The following FAT2 variants were observed in gnomAD, a reference collection of about 807,000 sequenced individuals.
The protein encoded by FAT2 is FAT atypical cadherin 2.
In FAT2, 150 loss-of-function variants were observed where a neutral mutation model predicts 295.3. That is an observed-to-expected ratio of 0.51 (90% confidence interval 0.44 to 0.58). The LOEUF is 0.58. Ranked by LOEUF, FAT2 falls within the 20% of genes least tolerant of loss-of-function variation. FAT2 has a pLI of 0.00. For synonymous variants in FAT2, 2,026 were observed against 2,150.3 expected, an observed-to-expected ratio of 0.94 and a Z score of 1.60; for missense variants, 4,868 against 5,442.7, an observed-to-expected ratio of 0.89 and a Z score of 3.32.
In FAT2 at chr5:151,565,827, G is replaced by A. The variant is rs1291543268; in HGVS notation, c.3105C>T (p.Phe1035=). The part of the protein sequence containing the change: ...ENLHPPHFAS[F]VHQGQVQENS... Reference sequence around the variant, plus strand: ...TCTCCTGCACCTGGCCCTGGTGCACGAAGGAGGCAAAGTGGGGAGGGTGGA... The same window carrying A: ...TCTCCTGCACCTGGCCCTGGTGCACAAAGGAGGCAAAGTGGGGAGGGTGGA... The change falls in exon 2 of 24, where the codon TTC becomes TTT. Residue 1035 remains phenylalanine, a synonymous_variant. Coordinates refer to ENST00000261800, the MANE Select transcript of FAT2 (RefSeq NM_001447.3). The A allele has an allele frequency of 4.3e-6, 7 of 1,614,048 alleles. No homozygotes were observed. Among genetic ancestry groups the A allele is most frequent in the Non-Finnish European group, 5.9e-6 (7 of 1,180,026 alleles).
chr5:151,569,404 G>A (rs982020352), intron 1 of FAT2, among the ~76,000 whole-genome samples: 20 of 152,068 alleles, frequency 1.3e-4, no homozygotes, highest in African/African-American at 4.3e-4. Flanking sequence ...TCACTATCAC[G>A]AGAACAGCAT....
At position 151,549,419 on chromosome 5, in the gene FAT2, G is replaced by A. The variant is rs2127619385; in HGVS notation, c.4665C>T (p.Phe1555=). The A allele has an allele frequency of 1.2e-6, 2 of 1,614,158 alleles. No individual in the cohort carries two copies. Among genetic ancestry groups the A allele is most frequent in the Non-Finnish European group, 1.7e-6 (2 of 1,180,018 alleles). Residue 1555 remains phenylalanine, a synonymous_variant, in exon 9 of 24, where the codon TTC becomes TTT. Coordinates refer to ENST00000261800, the MANE Select transcript of FAT2 (RefSeq NM_001447.3). ...CACTTGCCTCATAATGGAGCTGAGT[G>A]AAGCGGGGTGGGTGGAGGTTTCCAT... ...VEDGNLHPPR[F]TQLHYEASVP... is the part of the protein sequence containing the mutation.
At position 151,565,867 on chromosome 5, in the gene FAT2, T is replaced by C. The variant is rs1219885442; in HGVS notation, c.3065A>G (p.Asp1022Gly). 6.2e-7 allele frequency: 1 copy of C among 1,613,944 alleles called. No homozygotes were observed. Among genetic ancestry groups the C allele is most frequent in the Admixed American group, 1.7e-5 (1 of 60,014 alleles). Residue 1022 changes from aspartate (D) to glycine (G), a missense_variant, in exon 2 of 24, where the codon GAT becomes GGT. Transcript: ENST00000261800. ...GGGAGGGTGGAGATTCTCATTCACA[T>C]CCAGGACGATCACCTCCACATGGCA... ...TLCHVEVIVL[D>G]VNENLHPPHF...
Position 151,505,697 on chromosome 5 carries a change from C to A in FAT2, c.12918G>T (p.Gly4306=). 6.2e-7 allele frequency: 1 copy of A among 1,614,024 alleles called. No individual in the cohort carries two copies. Among genetic ancestry groups the A allele is most frequent in the South Asian group, 1.1e-5 (1 of 91,086 alleles). Residue 4306 remains glycine (G), a synonymous_variant, in exon 24 of 24, where the codon GGG becomes GGT. Coordinates refer to ENST00000261800, the MANE Select transcript of FAT2 (RefSeq NM_001447.3). ...CCACCTCACAGACAGCATAAGAGGG[C>A]CCAGCTCGGCTGAGGCGCATACCCA... ...KGVGMRLSRA[G]PSYAVCEVEG...
At chr5:151,514,955 T>C (rs1752698255) in intron 20 of FAT2, among the ~76,000 whole-genome samples, 2 of 152,256 alleles carry the variant, frequency 1.3e-5, no homozygotes, top group African/African-American at 4.8e-5. Flanking sequence ...TTCAAAAATA[T>C]ACCTTCTTTA....
At chr5:151,549,035 G>A (rs1253323321) in intron 9 of FAT2, among the ~76,000 whole-genome samples, 5 of 152,058 alleles carry the variant, frequency 3.3e-5, no homozygotes, top group Admixed American at 3.3e-4. Context: ...CTACATGTTT[G>A]GTCACTGGTG....
chr5:151,550,162 TA>T (rs1411603743), intron 8 of FAT2, among the ~76,000 whole-genome samples: 1 of 152,140 alleles, frequency 6.6e-6, no homozygotes, highest in African/African-American at 2.4e-5. Context: ...CTTGGGGTCA[TA>T]AAAATGCAGG....
chr5:151,507,224 CG>C lies in FAT2; in HGVS notation c.12446del (p.Pro4149ArgfsTer50). On this transcript the variant is annotated frameshift_variant, in exon 23 of 24. Transcript: ENST00000261800. LOFTEE classifies it high-confidence loss of function. ...CAGAGTGGGAAGGGACCGCAGCTGGCGGGAGTCTGGGGGGCACACTGCAGAC... is the reference window on the plus strand; with the variant it reads ...CAGAGTGGGAAGGGACCGCAGCTGGCGGAGTCTGGGGGGCACACTGCAGAC... ...PVVCSVPPRL[P>X]PAAVPSHSDN... The C allele has an allele frequency of 6.2e-7, 1 of 1,613,050 alleles. No homozygotes were observed. The highest frequency in any genetic ancestry group is 8.5e-7 in the Non-Finnish European group (1 of 1,179,304).
intron 14 of FAT2, among the ~76,000 whole-genome samples, chr5:151,530,409 G>A (rs1349439046): frequency 6.6e-6 from 1 of 152,102 alleles, no homozygotes; most frequent in Non-Finnish European, 1.5e-5. Context: ...AAGGACCTGA[G>A]GGATATGCTA....
chr5:151,584,930 A>G (rs374376300), intron 1 of FAT2, among the ~76,000 whole-genome samples: 13 of 152,284 alleles, frequency 8.5e-5, no homozygotes, highest in African/African-American at 2.9e-4. Context: ...ACACTCCTCC[A>G]TCTAATTTTG....
chr5:151,536,325 C>T (rs1755279772), intron 12 of FAT2, among the ~76,000 whole-genome samples: 1 of 152,194 alleles, frequency 6.6e-6, no homozygotes, highest in African/African-American at 2.4e-5. Context: ...CTGCCTGTCC[C>T]TGCTGGGGTT....
rs188719233 is a variant in FAT2 at position 151,578,918 on chromosome 5, G to A, written c.-20-9967C>T. Among the ~76,000 whole-genome samples the A allele has an allele frequency of 3.3e-5, 5 of 152,296 alleles. No individual in the cohort carries two copies. The East Asian group carries it at 9.6e-4, about 29-fold the overall frequency. ...TTTAGAATCCACATATACTCACTCT[G>A]TGTGAACTCTAAAAAGGTTAAACTC... On this transcript the variant is annotated intron_variant, in intron 1 of 23. Transcript: ENST00000261800.
At chr5:151,550,028 T>C (rs1321796544) in intron 8 of FAT2, among the ~76,000 whole-genome samples, 1 of 152,082 alleles carries the variant, frequency 6.6e-6, no homozygotes, top group African/African-American at 2.4e-5. Flanking sequence ...TGTATGACAG[T>C]GAGGAAGTCT....
Position 151,512,312 on chromosome 5 carries a change from C to T in FAT2, c.11758G>A (p.Glu3920Lys), listed in dbSNP as rs767027389. The T allele has an allele frequency of 2.3e-5, 37 of 1,614,080 alleles. No homozygotes were observed. In the East Asian group the frequency reaches 4.9e-4, roughly 21 times the overall value. Reference protein sequence around the residue: ...EGCLDAVVVNEEALDLLAPGK... With the variant: ...EGCLDAVVVNKEALDLLAPGK... ...GGGGCCAGCAGATCTAGAGCCTCTT[C>T]GTTGACCACGACAGCATCCAGGCAG... The change falls in exon 21 of 24, where the codon GAA becomes AAA. Residue 3920 changes from glutamate (E) to lysine (K), a missense_variant. Around this residue, in one of 5 missense-constraint regions of FAT2, gnomAD observed 1,046 missense variants for 1,210.1 expected, o/e 0.86. Coordinates refer to ENST00000261800, the MANE Select transcript of FAT2 (RefSeq NM_001447.3). The surrounding 1 kb of genome is among the most constrained non-coding windows in gnomAD (Gnocchi z 4.1).
At chr5:151,563,112 A>G (rs1394128565) in intron 3 of FAT2, among the ~76,000 whole-genome samples, 2 of 152,244 alleles carry the variant, frequency 1.3e-5, no homozygotes, top group Non-Finnish European at 2.9e-5. Flanking sequence ...AAATGTTAGT[A>G]CACATTTGAA....
At position 151,521,554 on chromosome 5, in the gene FAT2, A is replaced by G; in HGVS notation, c.11039T>C (p.Val3680Ala). 1 of 1,614,198 alleles carries G rather than the reference A, an allele frequency of 6.2e-7. No homozygotes were observed. The highest frequency in any genetic ancestry group is 2.2e-5 in the East Asian group (1 of 44,886). The change falls in exon 19 of 24, where the codon GTG (valine) becomes GCG (alanine). Residue 3680 changes from valine (V) to alanine (A), a missense_variant. Physicochemically the swap from Val to Ala is moderately conservative, Grantham distance 64. Around this residue, in one of 5 missense-constraint regions of FAT2, gnomAD observed 1,046 missense variants for 1,210.1 expected, o/e 0.86. Transcript: ENST00000261800. ...SLQPAEAVAG[V>A]DVLLVFEGHS... is the part of the protein sequence containing the mutation. ...CCCCTCAAAGACCAGGAGCACATCC[A>G]CACCAGCCACGGCCTCTGCAGGCTG...
intron 1 of FAT2, among the ~76,000 whole-genome samples, chr5:151,587,177 CA>C (rs984380439): frequency 1.3e-4 from 19 of 148,498 alleles, no homozygotes; most frequent in Non-Finnish European, 1.9e-4. Flanking sequence ...AAAAAAAAAA[CA>C]AAAAAACCCA....
intron 20 of FAT2, among the ~76,000 whole-genome samples, chr5:151,517,323 A>G (rs1752971608): frequency 1.3e-5 from 2 of 152,206 alleles, no homozygotes; most frequent in Non-Finnish European, 2.9e-5. Flanking sequence ...CCTATTACTC[A>G]GCAAAAATGA....
At position 151,510,110 on chromosome 5, in the gene FAT2, A is replaced by G. The variant is rs1472865984; in HGVS notation, c.11970T>C (p.Cys3990=). ...CACCTTCCAGGCAGGGTGCAAAAGT[A>G]CAGTTCTCCCTTCCTTGTTCACAGT... ...GKHCEQGREN[C]TFAPCLEGGT... Residue 3990 remains cysteine, a synonymous_variant, in exon 22 of 24, where the codon TGT becomes TGC. Transcript: ENST00000261800. 6.2e-7 allele frequency: 1 copy of G among 1,614,042 alleles called. No homozygotes were observed. Among genetic ancestry groups the G allele is most frequent in the Admixed American group, 1.7e-5 (1 of 60,006 alleles).
Sources: allele counts gnomAD v4.1 joint callset (sites outside exome capture counted in the v4.1 genomes callset), GRCh38; gene constraint gnomAD v4.1.1; regional missense constraint gnomAD v4.1.1; non-coding constraint Gnocchi (gnomAD v3.1); transcripts MANE v1.5; gene names NCBI Gene and HGNC (gene_info 2026-07-23, HGNC 2026-07-21).